Variants in JHY observed in about 807,000 individuals in gnomAD.
JHY encodes the protein jhy protein homolog.
In JHY, 69 loss-of-function variants were observed where a neutral mutation model predicts 78.0. The ratio of observed to expected loss-of-function variants is 0.88; its 90% CI spans 0.73 to 1.08. The LOEUF is 1.08. JHY is among the 50% of genes least tolerant of loss of function. The pLI is 0.00. For missense variants in JHY, 944 were observed against 927.8 expected, an observed-to-expected ratio of 1.02 and a Z score of -0.23; for synonymous variants, 368 against 342.6, an observed-to-expected ratio of 1.07 and a Z score of -0.82.
At position 122,915,126 on chromosome 11, in the gene JHY, G is replaced by A. The variant is rs372428233; in HGVS notation, c.865-9771G>A. On this transcript the variant is annotated intron_variant, in intron 3 of 8. Transcript: ENST00000227349. ...TAACATAAATTTCTATCATTTTTAAGGATAGTTTTCAGAATGTACCTGGCA... is the reference window on the plus strand; with the variant it reads ...TAACATAAATTTCTATCATTTTTAAAGATAGTTTTCAGAATGTACCTGGCA... Among the ~76,000 whole-genome samples the A allele has an allele frequency of 3.4e-3, 520 of 152,158 alleles. 2 individuals carry two copies. Among genetic ancestry groups the A allele is most frequent in the Middle Eastern group, 6.8e-3 (2 of 294 alleles).
chr11:122,931,385 A>C (rs1423970804), intron 4 of JHY, among the ~76,000 whole-genome samples: 1 of 152,224 alleles, frequency 6.6e-6, no homozygotes, highest in Admixed American at 6.5e-5. Flanking sequence ...CTTGTAATCA[A>C]ATCCTGATTA....
chr11:122,903,896 A>G (rs777397883), intron 2 of JHY, 29 bp from the exon 3 acceptor site: 1 of 1,532,378 alleles, frequency 6.5e-7, no homozygotes, highest in South Asian at 1.3e-5. Context: ...TCAACTAAGG[A>G]CTTGGCATTT....
intron 6 of JHY, among the ~76,000 whole-genome samples, chr11:122,947,702 A>G (rs1264584037): frequency 6.6e-6 from 1 of 152,116 alleles, no homozygotes; most frequent in East Asian, 1.9e-4. Context: ...ACTGAAATGG[A>G]GATTTGCATG....
In JHY at chr11:122,885,860, G is replaced by A. The variant is rs200713502; in HGVS notation, c.11G>A (p.Arg4His). The A allele has an allele frequency of 1.6e-5, 26 of 1,606,384 alleles. No individual in the cohort carries two copies. The highest frequency in any genetic ancestry group is 1.9e-5 in the Non-Finnish European group (22 of 1,174,534). The stretch of plus-strand genomic sequence containing the variant: ...TTTGCATTTTTCAAGATGAGTAAAC[G>A]TAAACTAATTCCCAAGCTCTCTATT... MSKRKLIPKLSIQS... is the reference protein window; with the variant it reads MSKHKLIPKLSIQS... Residue 4 changes from arginine (R) to histidine (H), a missense_variant, in exon 2 of 9, where the codon CGT becomes CAT. Transcript: ENST00000227349.
intron 6 of JHY, among the ~76,000 whole-genome samples, chr11:122,949,397 C>T (rs1232712409): frequency 6.6e-6 from 1 of 152,116 alleles, no homozygotes; most frequent in African/African-American, 2.4e-5. Context: ...TGCAAGACAT[C>T]CCAGAAAGTG....
chr11:122,896,923 C>T (rs144553973), intron 2 of JHY, among the ~76,000 whole-genome samples: 2,331 of 152,302 alleles, frequency 0.015, 70 homozygotes, highest in African/African-American at 0.053. Flanking sequence ...ATGGCATGAT[C>T]TCGGCGCACT....
intron 2 of JHY, among the ~76,000 whole-genome samples, chr11:122,888,388 T>A (rs1295266599): frequency 6.6e-6 from 1 of 152,224 alleles, no homozygotes; most frequent in Non-Finnish European, 1.5e-5. Context: ...TAAAAGCCTA[T>A]CTTAGTTTCA....
In JHY at chr11:122,960,741, G is replaced by A. The variant is rs532863547; in HGVS notation, c.*1296G>A. The A allele has an allele frequency of 8.7e-6, 4 of 458,956 alleles. No individual in the cohort carries two copies. The highest frequency in any genetic ancestry group is 8.0e-5 in the African/African-American group (4 of 49,924). The allele number at this position is 458,956 out of a possible 1,614,324, so 28.4% of individuals were successfully genotyped here. On this transcript the variant is annotated 3_prime_UTR_variant, in exon 9 of 9. Coordinates refer to ENST00000227349, the MANE Select transcript of JHY (RefSeq NM_024806.4). ...TGAGCAAAACATTGCCCAACTAGAA[G>A]AGGTGAAGCAGGCTTCCATCAAACA...
At position 122,957,359 on chromosome 11, in the gene JHY, A is replaced by G. The variant is rs1299700281; in HGVS notation, c.2011-4A>G. On this transcript the variant is annotated splice_region_variant and splice_polypyrimidine_tract_variant and intron_variant, in intron 7 of 8. Transcript: ENST00000227349. The stretch of plus-strand genomic sequence containing the variant: ...ATTCATCATAACTTTGTTTCTCTGA[A>G]CAGACGCAAAAATTAATACAGCAAA... 6.6e-7 allele frequency: 1 copy of G among 1,523,996 alleles called. No individual in the cohort carries two copies. The highest frequency in any genetic ancestry group is 2.6e-5 in the East Asian group (1 of 38,810). The allele number at this position is 1,523,996 out of a possible 1,614,324, so 94.4% of individuals were successfully genotyped here.
At chr11:122,884,725 G>T (rs1862457999) in intron 1 of JHY, among the ~76,000 whole-genome samples, 1 of 152,178 alleles carries the variant, frequency 6.6e-6, no homozygotes, top group Non-Finnish European at 1.5e-5. Flanking sequence ...ATCCCGTTCG[G>T]TAATGTAGAC....
intron 6 of JHY, among the ~76,000 whole-genome samples, chr11:122,955,361 T>A (rs1432324946): frequency 6.6e-6 from 1 of 152,144 alleles, no homozygotes; most frequent in Non-Finnish European, 1.5e-5. Context: ...CCTCAGGTGA[T>A]CTGCTCACTT....
chr11:122,910,958 A>C (rs562104069), intron 3 of JHY, among the ~76,000 whole-genome samples: 112 of 152,324 alleles, frequency 7.4e-4, no homozygotes, highest in African/African-American at 2.6e-3. Flanking sequence ...AACCGATGTA[A>C]AAACCAACAC....
intron 5 of JHY, among the ~76,000 whole-genome samples, chr11:122,943,681 T>C (rs1863914940): frequency 6.6e-6 from 1 of 152,244 alleles, no homozygotes; most frequent in African/African-American, 2.4e-5. Context: ...ATTCTTCTTT[T>C]AATCCTGATG....
At chr11:122,904,484 A>C in intron 3 of JHY, 40 bp downstream of exon 3, 1 of 1,565,296 alleles carries the variant, frequency 6.4e-7, no homozygotes, top group Non-Finnish European at 8.7e-7. Flanking sequence ...TGAAACATTA[A>C]ACCAGAATTT....
chr11:122,924,256 A>G (rs1187169337), intron 3 of JHY, among the ~76,000 whole-genome samples: 3 of 152,152 alleles, frequency 2.0e-5, no homozygotes, highest in African/African-American at 7.2e-5. Context: ...GTGCAGGTCT[A>G]GGATATTTCT....
chr11:122,885,472 C>T (rs1862475926), intron 1 of JHY, among the ~76,000 whole-genome samples: 1 of 152,188 alleles, frequency 6.6e-6, no homozygotes. Flanking sequence ...TTGTCTGTAA[C>T]AAGCCCTTGG....
At chr11:122,939,947 A>G (rs772122228) in intron 5 of JHY, among the ~76,000 whole-genome samples, 13 of 140,122 alleles carry the variant, frequency 9.3e-5, no homozygotes, top group Admixed American at 2.8e-4. Context: ...ACTTGTCTCC[A>G]AAAAGCCTTT....
chr11:122,916,926 G>A (rs1033774400), intron 3 of JHY, among the ~76,000 whole-genome samples: 2 of 152,034 alleles, frequency 1.3e-5, no homozygotes, highest in African/African-American at 4.8e-5. Context: ...ACTGCACCTG[G>A]CCATAATCGC....
At position 122,934,559 on chromosome 11, in the gene JHY, A is replaced by G. The variant is rs1863708302; in HGVS notation, c.1118A>G (p.Gln373Arg). 6.2e-7 allele frequency: 1 copy of G among 1,614,030 alleles called. No homozygotes were observed. The change falls in exon 5 of 9, where the codon CAG (glutamine) becomes CGG (arginine). Residue 373 changes from glutamine to arginine, a missense_variant. Physicochemically the swap from Gln to Arg is conservative, Grantham distance 43 (BLOSUM62 1). Transcript: ENST00000227349. ...AAGATTCGAAAGCAGTGTAAACACC[A>G]GAATGGCCTGAAGTCTTCCACAACG... The part of the protein sequence containing the change: ...KLKIRKQCKH[Q>R]NGLKSSTTEE...
Sources: allele counts gnomAD v4.1 joint callset (sites outside exome capture counted in the v4.1 genomes callset), GRCh38; gene constraint gnomAD v4.1.1; transcripts MANE v1.5; gene names NCBI Gene and HGNC (gene_info 2026-07-23, HGNC 2026-07-21).